Variants in DOCK4 observed in about 807,000 individuals in gnomAD.
DOCK4 encodes dedicator of cytokinesis protein 4.
DOCK4 carries 97 observed loss-of-function variants against 268.1 expected under a neutral mutation model. The observed-to-expected ratio is 0.36, with a 90% CI of 0.31 to 0.43. The LOEUF is 0.43. Ranked by LOEUF, DOCK4 falls within the 20% of genes least tolerant of loss-of-function variation. The pLI is 1.00. For synonymous variants in DOCK4, 954 were observed against 887.2 expected (o/e 1.08, Z -1.34); for missense variants, 2,145 against 2,455.7 (o/e 0.87, Z 2.67).
At chr7:112,060,214 G>A (rs940324443) in intron 1 of DOCK4, among the ~76,000 whole-genome samples, 2 of 152,250 alleles carry the variant, frequency 1.3e-5, no homozygotes, top group South Asian at 4.1e-4. Flanking sequence ...AACAGGAAAA[G>A]AACAGCTTGA....
chr7:112,066,537 TATAC>T (rs1352369353), intron 1 of DOCK4, among the ~76,000 whole-genome samples: 2 of 144,234 alleles, frequency 1.4e-5, no homozygotes, highest in Non-Finnish European at 3.0e-5. Context: ...CACACATATA[TATAC>T]ATACACACAT....
At chr7:111,926,176 G>GGGCGGGCGGGC in intron 12 of DOCK4, among the ~76,000 whole-genome samples, 1 of 137,800 alleles carries the variant, frequency 7.3e-6, no homozygotes, top group Non-Finnish European at 1.5e-5. Context: ...AAGAAGGAAG[G>GGGCGGGCGGGC]AAGGCGGGCA....
chr7:111,794,079 G>C (rs1225980842), intron 30 of DOCK4, among the ~76,000 whole-genome samples: 1 of 152,160 alleles, frequency 6.6e-6, no homozygotes, highest in East Asian at 1.9e-4. Context: ...CTGTAGTGGG[G>C]ACACAGATGC....
At chr7:111,791,304 CAT>C (rs1265315469) in intron 30 of DOCK4, among the ~76,000 whole-genome samples, 7 of 149,220 alleles carry the variant, frequency 4.7e-5, no homozygotes, top group African/African-American at 1.7e-4. Context: ...CACACACACA[CAT>C]ATATCTTAGT....
intron 47 of DOCK4, 108 bp downstream of exon 47, chr7:111,740,966 TAAAGGTTTGTCCTTAAGCCA>T: frequency 9.0e-7 from 1 of 1,114,672 alleles, no homozygotes; most frequent in African/African-American, 1.6e-5. Context: ...GAAGAGTGTT[TAAAGGTTTGTCCTTAAGCCA>T]AGTTCTTGCT....
At chr7:111,975,279 A>G (rs1445234123) in intron 8 of DOCK4, among the ~76,000 whole-genome samples, 1 of 152,158 alleles carries the variant, frequency 6.6e-6, no homozygotes, top group Non-Finnish European at 1.5e-5. Context: ...ACAAAAACGA[A>G]CAAAAAAAAC....
chr7:111,826,335 G>A (rs1175084942), intron 26 of DOCK4, among the ~76,000 whole-genome samples: 1 of 152,210 alleles, frequency 6.6e-6, no homozygotes, highest in Non-Finnish European at 1.5e-5. Context: ...TTTTTCCATA[G>A]TAAGGAGTCT....
chr7:111,783,015 A>AAAC, intron 34 of DOCK4, 91 bp from the exon 35 acceptor site: 3 of 1,066,140 alleles, frequency 2.8e-6, no homozygotes, highest in African/African-American at 1.9e-5. Context: ...AGAAAGAAAG[A>AAAC]AAGAAAAAAA....
intron 1 of DOCK4, among the ~76,000 whole-genome samples, chr7:112,172,697 CAAATGGT>C (rs1206881194): frequency 1.3e-5 from 2 of 151,892 alleles, no homozygotes; most frequent in Non-Finnish European, 2.9e-5. Context: ...ACCATAATGC[CAAATGGT>C]AAATATTATA....
In DOCK4 at chr7:111,732,257, G is replaced by T. The variant is rs766423135; in HGVS notation, c.5450C>A (p.Ser1817Tyr). The T allele has an allele frequency of 5.6e-6, 9 of 1,613,908 alleles. No individual in the cohort carries two copies. The highest frequency in any genetic ancestry group is 7.6e-6 in the Non-Finnish European group (9 of 1,179,906). Residue 1817 changes from serine (S) to tyrosine (Y), a missense_variant, in exon 52 of 53, where the codon TCC (serine) becomes TAC (tyrosine). Ser to Tyr is a moderately radical substitution (Grantham distance 144). Around this residue, in one of 2 missense-constraint regions of DOCK4, gnomAD observed 547 missense variants for 469.0 expected, o/e 1.17. Coordinates refer to ENST00000428084, the MANE Select transcript of DOCK4 (RefSeq NM_001363540.2). ...ASPARHTTSV[S>Y]PSPAGRSPLK... ...TGGAGATCGCCCGGCAGGCGAGGGG[G>T]ATACTGATGTCGTGTGTCTTGCTGG...
At chr7:111,817,328 C>A (rs985996493) in intron 27 of DOCK4, among the ~76,000 whole-genome samples, 1 of 152,164 alleles carries the variant, frequency 6.6e-6, no homozygotes, top group African/African-American at 2.4e-5. Context: ...ATCAAAACAA[C>A]AGTAGCTGTG....
chr7:111,730,757 C>T (rs1288893050), intron 52 of DOCK4, among the ~76,000 whole-genome samples: 1 of 152,174 alleles, frequency 6.6e-6, no homozygotes, highest in African/African-American at 2.4e-5. Context: ...AATGTTCGAT[C>T]TATGTTCTCT....
At chr7:111,992,982 G>A (rs1401906228) in intron 5 of DOCK4, among the ~76,000 whole-genome samples, 3 of 152,162 alleles carry the variant, frequency 2.0e-5, no homozygotes, top group South Asian at 2.1e-4. Flanking sequence ...AGCCCTCGAG[G>A]TCGGTTATCT....
intron 1 of DOCK4, among the ~76,000 whole-genome samples, chr7:112,120,659 A>G (rs191923845): frequency 1.1e-3 from 160 of 152,318 alleles, no homozygotes; most frequent in African/African-American, 3.6e-3. Context: ...AAATAGAGAT[A>G]TATACACATC....
chr7:111,849,127 T>A (rs959684449), intron 23 of DOCK4, among the ~76,000 whole-genome samples: 1 of 152,214 alleles, frequency 6.6e-6, no homozygotes, highest in Admixed American at 6.5e-5. Flanking sequence ...TTGGTTCTTG[T>A]GTTTCATTCC....
At position 112,039,290 on chromosome 7, in the gene DOCK4, C is replaced by A. The variant is rs189301361; in HGVS notation, c.38-35159G>T. Among the ~76,000 whole-genome samples the A allele has an allele frequency of 1.7e-3, 258 of 151,106 alleles. 1 individual carries two copies. The highest frequency in any genetic ancestry group is 6.1e-3 in the African/African-American group (251 of 41,074). ...ATTACCTACAGTGGAAGGAACCCTGCCACAATTCCTGCTGATAACATTGAA... is the reference window on the plus strand; with the variant it reads ...ATTACCTACAGTGGAAGGAACCCTGACACAATTCCTGCTGATAACATTGAA... On this transcript the variant is annotated intron_variant, in intron 1 of 52. Transcript: ENST00000428084.
In DOCK4 at chr7:112,131,102, C is replaced by A. The variant is rs139826992; in HGVS notation, c.37+75000G>T. Among the ~76,000 whole-genome samples, 375 of 152,268 alleles carry A rather than the reference C, an allele frequency of 2.5e-3. 2 individuals carry two copies. Among genetic ancestry groups the A allele is most frequent in the African/African-American group, 8.4e-3 (351 of 41,566 alleles). ...TGCCATAAATATGTCTTAAAACTAA[C>A]AAATGTGATCCTGCTTCTTGTAGTT... On this transcript the variant is annotated intron_variant, in intron 1 of 52. Transcript: ENST00000428084.
chr7:112,109,408 G>GA (rs1257678171), intron 1 of DOCK4, among the ~76,000 whole-genome samples: 1 of 151,680 alleles, frequency 6.6e-6, no homozygotes, highest in African/African-American at 2.4e-5. Context: ...TCACAGAGAA[G>GA]AAAAAAAATG....
In DOCK4 at chr7:111,755,524, C is replaced by T. The variant is rs1252258569; in HGVS notation, c.4407G>A (p.Lys1469=). The T allele has an allele frequency of 1.9e-6, 3 of 1,613,974 alleles. No individual in the cohort carries two copies. The highest frequency in any genetic ancestry group is 4.5e-5 in the East Asian group (2 of 44,876). The change falls in exon 42 of 53, where the codon AAG becomes AAA. Residue 1469 remains lysine, a synonymous_variant. Transcript: ENST00000428084. ...PGISRWFEVE[K]REVVEMSPLE... ...AAGCTCTGATCCTTACCACTTCACGCTTTTCCACTTCAAACCAGCGAGAGA... is the reference window on the plus strand; with the variant it reads ...AAGCTCTGATCCTTACCACTTCACGTTTTTCCACTTCAAACCAGCGAGAGA...
Sources: gnomAD v4.1 joint callset for allele counts (sites outside exome capture counted in the v4.1 genomes callset) on GRCh38, gnomAD v4.1.1 for gene constraint, gnomAD v4.1.1 regional missense constraint, MANE v1.5 for transcripts, NCBI Gene and HGNC (gene_info 2026-07-23, HGNC 2026-07-21) for gene names.